Variants in JMJD1C observed in about 807,000 individuals in gnomAD.
JMJD1C encodes the protein jumonji domain containing 1C, also known as jumonji domain-containing protein 1C.
A neutral mutation model predicts 245.3 loss-of-function variants in JMJD1C; 31 were observed. That is an observed-to-expected ratio of 0.13 (90% CI 0.09 to 0.17). The LOEUF is 0.17. Ranked by LOEUF, JMJD1C falls within the 10% of genes least tolerant of loss-of-function variation. The pLI is 1.00. For missense variants in JMJD1C, 2,691 were observed against 3,000.2 expected (o/e 0.90, Z 2.41); for synonymous variants, 1,057 against 1,017.4 (o/e 1.04, Z -0.74).
intron 20 of JMJD1C, 120 bp downstream of exon 20, chr10:63,185,439 GTTAT>G (rs1047538375): frequency 1.4e-6 from 1 of 694,372 alleles, no homozygotes; most frequent in Non-Finnish European, 2.6e-6. Context: ...TCAGCCTCAA[GTTAT>G]TTATTTTTAA....
intron 1 of JMJD1C, among the ~76,000 whole-genome samples, chr10:63,422,088 G>T (rs1414527760): frequency 6.6e-6 from 1 of 152,126 alleles, no homozygotes; most frequent in East Asian, 1.9e-4. Flanking sequence ...AGAAGAGAGA[G>T]ACACCATTTA....
At chr10:63,447,721 T>C (rs1307875316) in intron 1 of JMJD1C, among the ~76,000 whole-genome samples, 2 of 151,996 alleles carry the variant, frequency 1.3e-5, no homozygotes, top group East Asian at 1.9e-4. Flanking sequence ...GCATTGTCCA[T>C]CTAGTTGCAG....
intron 1 of JMJD1C, among the ~76,000 whole-genome samples, chr10:63,472,565 C>T (rs1471037856): frequency 4.6e-5 from 7 of 152,038 alleles, no homozygotes. Context: ...CTCCTGACCT[C>T]AAGTGATCCA....
chr10:63,382,936 T>C lies in JMJD1C; in HGVS notation c.169-2454A>G, dbSNP rs145762390. On this transcript the variant is annotated intron_variant, in intron 1 of 25. Coordinates refer to ENST00000399262, the MANE Select transcript of JMJD1C (RefSeq NM_032776.3). ...ATTTCTACTGCAATTACTTTTTTTATAGCTTACACTGTATTAGTATATAAG... is the reference window on the plus strand; with the variant it reads ...ATTTCTACTGCAATTACTTTTTTTACAGCTTACACTGTATTAGTATATAAG... 2.8e-4 allele frequency: 128 copies of C among 450,228 alleles called. 1 individual carries two copies. Among genetic ancestry groups the C allele is most frequent in the African/African-American group, 2.5e-3 (122 of 49,788 alleles). 27.9% of individuals were successfully genotyped at this position (450,228 alleles called of 1,614,324 possible). A position where few individuals can be genotyped will look rare whatever the true frequency, so the allele number is the denominator to read the frequency against.
chr10:63,190,060 G>A (rs1844590219), intron 17 of JMJD1C, among the ~76,000 whole-genome samples: 3 of 151,544 alleles, frequency 2.0e-5, no homozygotes, highest in Admixed American at 2.0e-4. Context: ...ACCATGCCTG[G>A]CTAATTTTTG....
chr10:63,191,489 C>G (rs1844791976), intron 16 of JMJD1C, among the ~76,000 whole-genome samples: 1 of 152,138 alleles, frequency 6.6e-6, no homozygotes, highest in African/African-American at 2.4e-5. Context: ...AAACTGGCCC[C>G]AGCATTTTCT....
chr10:63,223,516 T>C (rs1224769851), intron 3 of JMJD1C, among the ~76,000 whole-genome samples: 1 of 151,806 alleles, frequency 6.6e-6, no homozygotes, highest in Non-Finnish European at 1.5e-5. Context: ...GCATGAGCCA[T>C]CACGCCTGGC....
chr10:63,241,051 G>T (rs894088750), intron 3 of JMJD1C, among the ~76,000 whole-genome samples: 2 of 152,122 alleles, frequency 1.3e-5, no homozygotes, highest in Non-Finnish European at 2.9e-5. Flanking sequence ...AGAAGTGGCG[G>T]TATTATAAAA....
chr10:63,521,563 C>G, intron 1 of JMJD1C: 3 of 1,425,312 alleles, frequency 2.1e-6, no homozygotes, highest in Non-Finnish European at 2.8e-6. Flanking sequence ...CCTGGATGAT[C>G]TCCAGAGCCG....
At chr10:63,433,643 G>C (rs536468719) in intron 1 of JMJD1C, among the ~76,000 whole-genome samples, 1 of 145,754 alleles carries the variant, frequency 6.9e-6, no homozygotes, top group Non-Finnish European at 1.5e-5. Context: ...TGGAGTGCAA[G>C]GGTGAGATCA....
chr10:63,363,155 T>C (rs1945532298), intron 2 of JMJD1C, among the ~76,000 whole-genome samples: 1 of 152,150 alleles, frequency 6.6e-6, no homozygotes, highest in Admixed American at 6.5e-5. Flanking sequence ...ACTGTTCATA[T>C]TCTTGAGAGA....
At chr10:63,321,126 G>T (rs1485496367) in intron 2 of JMJD1C, among the ~76,000 whole-genome samples, 1 of 152,368 alleles carries the variant, frequency 6.6e-6, no homozygotes, top group East Asian at 1.9e-4. Context: ...CCACAGGGAT[G>T]AAAGTTCCTG....
At chr10:63,211,798 T>G (rs1243338330) in intron 8 of JMJD1C, among the ~76,000 whole-genome samples, 1 of 130,326 alleles carries the variant, frequency 7.7e-6, no homozygotes, top group Non-Finnish European at 1.6e-5. Context: ...TACTCTAGCT[T>G]GGGTGACAGA....
At chr10:63,408,559 A>G (rs760977677) in intron 1 of JMJD1C, among the ~76,000 whole-genome samples, 5 of 152,132 alleles carry the variant, frequency 3.3e-5, no homozygotes, top group Non-Finnish European at 5.9e-5. Flanking sequence ...AGAATCTGGA[A>G]GTCACTGATT....
At position 63,493,628 on chromosome 10, in the gene JMJD1C, G is replaced by A. The variant is rs934586376; in HGVS notation, n.113+28110C>T. The stretch of plus-strand genomic sequence containing the variant: ...AATTTTAAATCTGTTAATTACAGGC[G>A]TGAGCCACCACACCCGGCTAATTCC... On this transcript the variant is annotated intron_variant and non_coding_transcript_variant, in intron 1 of 3. Transcript: ENST00000633035. Among the ~76,000 whole-genome samples the A allele has an allele frequency of 7.2e-5, 11 of 152,018 alleles. No individual in the cohort carries two copies. In the South Asian group the frequency reaches 1.2e-3, roughly 17 times the overall value.
rs193016826 is a variant in JMJD1C, at chr10:63,490,114, T to C, written n.113+31624A>G. On this transcript the variant is annotated intron_variant and non_coding_transcript_variant, in intron 1 of 3. Transcript: ENST00000633035. ...TCACCCACCCCAGTCCTTGGAAACATTGTCTTCCATGAAACTGGCCCCTGG... is the reference window on the plus strand; with the variant it reads ...TCACCCACCCCAGTCCTTGGAAACACTGTCTTCCATGAAACTGGCCCCTGG... 3.9e-5 allele frequency among the ~76,000 whole-genome samples: 6 copies of C among 152,302 alleles called. No homozygotes were observed. In the East Asian group the frequency reaches 9.6e-4, roughly 24 times the overall value.
intron 2 of JMJD1C, among the ~76,000 whole-genome samples, chr10:63,313,135 T>C (rs1408595266): frequency 6.6e-6 from 1 of 152,204 alleles, no homozygotes; most frequent in Non-Finnish European, 1.5e-5. Flanking sequence ...AAGTCCACTG[T>C]ATGATTCTTA....
intron 2 of JMJD1C, among the ~76,000 whole-genome samples, chr10:63,275,480 A>T (rs1483000451): frequency 6.6e-6 from 1 of 152,208 alleles, no homozygotes; most frequent in African/African-American, 2.4e-5. Context: ...GATTAGGAGG[A>T]AAAATCAATT....
chr10:63,297,056 C>A (rs1859515670), intron 2 of JMJD1C, among the ~76,000 whole-genome samples: 1 of 152,184 alleles, frequency 6.6e-6, no homozygotes. Flanking sequence ...CCTTTGGCAT[C>A]TTTTCTCATC....
Sources: allele counts gnomAD v4.1 joint callset (sites outside exome capture counted in the v4.1 genomes callset), GRCh38; gene constraint gnomAD v4.1.1; transcripts MANE v1.5; gene names NCBI Gene and HGNC (gene_info 2026-07-23, HGNC 2026-07-21).